Variants in FADS1 observed in about 807,000 individuals in gnomAD.
The protein encoded by FADS1 is fatty acid desaturase 1.
FADS1 carries 17 observed loss-of-function variants against 61.6 expected under a neutral mutation model. The observed-to-expected ratio is 0.28, with a 90% CI of 0.19 to 0.41. The LOEUF is 0.41. FADS1 is among the 10% of genes least tolerant of loss of function. The pLI is 1.00. For synonymous variants in FADS1, 238 were observed against 258.7 expected, an observed-to-expected ratio of 0.92 and a Z score of 0.77; for missense variants, 387 against 650.9, an observed-to-expected ratio of 0.59 and a Z score of 4.41.
rs2135942561 is a variant in FADS1 at position 61,815,461 on chromosome 11, G to T, written c.375+1094C>A. ...CTCTGCTGCGACGTTATGGGAACCT[G>T]GTGACCCGCGGCACACTCTGGGACG... On this transcript the variant is annotated intron_variant, in intron 1 of 11. Coordinates refer to ENST00000350997, the MANE Select transcript of FADS1 (RefSeq NM_013402.7). This position sits in a 1 kb window ranked among gnomAD's most constrained non-coding sequence, Gnocchi z 6.4. The T allele has an allele frequency of 6.6e-6, 1 of 152,466 alleles. No individual in the cohort carries two copies. The highest frequency in any genetic ancestry group is 2.4e-5 in the African/African-American group (1 of 41,590). The allele number at this position is 152,466 out of a possible 1,614,324, so 9.4% of individuals were successfully genotyped here. A position where few individuals can be genotyped will look rare whatever the true frequency, so the allele number is the denominator to read the frequency against.
chr11:61,808,110 C>A (rs918847442), intron 5 of FADS1, among the ~76,000 whole-genome samples: 16 of 152,068 alleles, frequency 1.1e-4, no homozygotes, highest in Non-Finnish European at 1.9e-4. Flanking sequence ...CTGAGGTAGG[C>A]GGACTGCATG....
In FADS1 at chr11:61,802,315, A is replaced by C; in HGVS notation, c.*96T>G. ...ATGTCCCCAAACCCAACCCCCTCTGAGTATTAAACTATAGTGGCATTGTCC... is the reference window on the plus strand; with the variant it reads ...ATGTCCCCAAACCCAACCCCCTCTGCGTATTAAACTATAGTGGCATTGTCC... On this transcript the variant is annotated 3_prime_UTR_variant, in exon 12 of 12. Transcript: ENST00000350997. The surrounding 1 kb of genome is among the most constrained non-coding windows in gnomAD (Gnocchi z 4.2). 3 of 1,088,204 alleles carry C rather than the reference A, an allele frequency of 2.8e-6. No homozygotes were observed. The South Asian group carries it at 4.0e-5, about 15-fold the overall frequency. The allele number at this position is 1,088,204 out of a possible 1,614,324, so 67.4% of individuals were successfully genotyped here.
chr11:61,816,288 G>A lies in FADS1; in HGVS notation c.375+267C>T. On this transcript the variant is annotated intron_variant, in intron 1 of 11. Transcript: ENST00000350997. This position sits in a 1 kb window ranked among gnomAD's most constrained non-coding sequence, Gnocchi z 7.0. ...TGAGGCTCGGGGCTGCAGATGGAAT[G>A]CACGGCAGGGAGGCGGGACCCTTTG... 2 of 1,598,380 alleles carry A rather than the reference G, an allele frequency of 1.3e-6. No homozygotes were observed. Among genetic ancestry groups the A allele is most frequent in the South Asian group, 1.1e-5 (1 of 91,074 alleles).
intron 5 of FADS1, among the ~76,000 whole-genome samples, chr11:61,808,165 G>A (rs2066906614): frequency 1.3e-5 from 2 of 152,060 alleles, no homozygotes; most frequent in South Asian, 2.1e-4. Flanking sequence ...GTGAAACCAC[G>A]TCCCTACTAA....
Position 61,816,012 on chromosome 11 carries a change from G to T in FADS1, c.375+543C>A. ...ACGACGCAGGGGTCCCCAAGGCAGC[G>T]GTCTCCCCAAGCTTCCCGTTTCAGC... is the stretch of plus-strand genomic sequence containing the variant. On this transcript the variant is annotated intron_variant, in intron 1 of 11. Transcript: ENST00000350997. The surrounding 1 kb of genome is among the most constrained non-coding windows in gnomAD (Gnocchi z 7.0). 1.9e-6 allele frequency: 1 copy of T among 523,204 alleles called. No homozygotes were observed. The highest frequency in any genetic ancestry group is 3.4e-5 in the Admixed American group (1 of 29,338). The allele number at this position is 523,204 out of a possible 1,614,324, so 32.4% of individuals were successfully genotyped here.
chr11:61,816,917 C>T lies in FADS1; in HGVS notation c.13G>A (p.Ala5Thr). The change falls in exon 1 of 12, where the codon GCT becomes ACT. Residue 5 changes from alanine (A) to threonine (T), a missense_variant. Coordinates refer to ENST00000350997, the MANE Select transcript of FADS1 (RefSeq NM_013402.7). The surrounding 1 kb of genome is among the most constrained non-coding windows in gnomAD (Gnocchi z 7.0). The stretch of plus-strand genomic sequence containing the variant: ...CAGGGCAGACCGGCGGGCCTCGCAG[C>T]GCGCGTTCCCATTGGCCGAGCCTCG... MGTR[A>T]ARPAGLPCGA... is the part of the protein sequence containing the mutation. The T allele has an allele frequency of 2.1e-6, 3 of 1,399,962 alleles. No homozygotes were observed. The highest frequency in any genetic ancestry group is 2.8e-6 in the Non-Finnish European group (3 of 1,087,734). 86.7% of individuals were successfully genotyped at this position (1,399,962 alleles called of 1,614,324 possible).
In FADS1 at chr11:61,803,954, C is replaced by G. The variant is rs2066876142; in HGVS notation, c.1054-187G>C. On this transcript the variant is annotated intron_variant, in intron 7 of 11. Coordinates refer to ENST00000350997, the MANE Select transcript of FADS1 (RefSeq NM_013402.7). The surrounding 1 kb of genome is among the most constrained non-coding windows in gnomAD (Gnocchi z 4.3). ...CTTTCTTCCATTCCCATTGGCACCC[C>G]CCAGCCCTTCTTGCATGTCCCCTTC... The G allele has an allele frequency of 1.7e-6, 1 of 603,472 alleles. No individual in the cohort carries two copies. Among genetic ancestry groups the G allele is most frequent in the African/African-American group, 1.9e-5 (1 of 53,894 alleles). 37.4% of individuals were successfully genotyped at this position (603,472 alleles called of 1,614,324 possible).
chr11:61,815,960 G>A lies in FADS1; in HGVS notation c.375+595C>T. ...CCGCTTGCCCTCCCCGGCCAGCGCT[G>A]TCCCTTCCGCGTCCTCCAGTCTTCA... On this transcript the variant is annotated intron_variant, in intron 1 of 11. Coordinates refer to ENST00000350997, the MANE Select transcript of FADS1 (RefSeq NM_013402.7). This position sits in a 1 kb window ranked among gnomAD's most constrained non-coding sequence, Gnocchi z 6.4. The A allele has an allele frequency of 2.4e-6, 1 of 414,302 alleles. No individual in the cohort carries two copies. The highest frequency in any genetic ancestry group is 4.4e-6 in the Non-Finnish European group (1 of 227,064). The allele number at this position is 414,302 out of a possible 1,614,324, so 25.7% of individuals were successfully genotyped here. A position where few individuals can be genotyped will look rare whatever the true frequency, so the allele number is the denominator to read the frequency against.
rs1364351892 is a variant in FADS1 at position 61,816,377 on chromosome 11, TC to T, written c.375+177del. The T allele has an allele frequency of 1.3e-6, 2 of 1,598,408 alleles. No individual in the cohort carries two copies. Among genetic ancestry groups the T allele is most frequent in the Non-Finnish European group, 1.7e-6 (2 of 1,179,800 alleles). ...CAGACTCCACTTCTCCAGGCCTCTC[TC>T]CCGCCTTTTCATCCCGCATCCGCAG... On this transcript the variant is annotated intron_variant, in intron 1 of 11. Coordinates refer to ENST00000350997, the MANE Select transcript of FADS1 (RefSeq NM_013402.7). The surrounding 1 kb of genome is among the most constrained non-coding windows in gnomAD (Gnocchi z 7.0).
In FADS1 at chr11:61,816,401, C is replaced by A. The variant is rs754343139; in HGVS notation, c.375+154G>T. ...CTCCCGCCTTTTCATCCCGCATCCG[C>A]AGGACACCCAATCACCGGGCAACAG... On this transcript the variant is annotated intron_variant, in intron 1 of 11. Transcript: ENST00000350997. This position sits in a 1 kb window ranked among gnomAD's most constrained non-coding sequence, Gnocchi z 7.0. 1.9e-6 allele frequency: 3 copies of A among 1,598,472 alleles called. No individual in the cohort carries two copies. The African/African-American group carries it at 4.0e-5, about 21-fold the overall frequency.
rs2066939717 is a variant in FADS1, at chr11:61,812,636, C to T, written c.519G>A (p.Arg173=). 1 of 1,614,096 alleles carries T rather than the reference C, an allele frequency of 6.2e-7. No individual in the cohort carries two copies. Among genetic ancestry groups the T allele is most frequent in the Non-Finnish European group, 8.5e-7 (1 of 1,180,028 alleles). The change falls in exon 3 of 12, where the codon CGG becomes CGA. Residue 173 remains arginine, a synonymous_variant. Coordinates refer to ENST00000350997, the MANE Select transcript of FADS1 (RefSeq NM_013402.7). The part of the protein sequence containing the change: ...KELTDEFREL[R]ATVERMGLMK... Reference sequence around the variant, plus strand: ...TGAGCCCCATCCGCTCCACTGTGGCCCGCAGCTCCCGGAACTCATCTGTCA... The same window carrying T: ...TGAGCCCCATCCGCTCCACTGTGGCTCGCAGCTCCCGGAACTCATCTGTCA...
chr11:61,803,687 G>T lies in FADS1; in HGVS notation c.1134C>A (p.Gly378=), dbSNP rs1324182943. ...AATACTACCTGACTATGAAGAAAAG[G>T]CCCAGGAAGGCTTTCAGCCCCAATA... The part of the protein sequence containing the change: ...VPLLGLKAFL[G]LFFIVRFLES... Residue 378 remains glycine, a synonymous_variant, in exon 8 of 12, where the codon GGC becomes GGA. Transcript: ENST00000350997. The surrounding 1 kb of genome is among the most constrained non-coding windows in gnomAD (Gnocchi z 4.3). The T allele has an allele frequency of 6.2e-7, 1 of 1,613,460 alleles. No homozygotes were observed. Among genetic ancestry groups the T allele is most frequent in the Admixed American group, 1.7e-5 (1 of 60,016 alleles).
In FADS1 at chr11:61,799,779, T is replaced by C. The variant is rs1935275819; in HGVS notation, c.*2632A>G. The C allele has an allele frequency of 6.6e-6, 1 of 152,632 alleles. No homozygotes were observed. The allele number at this position is 152,632 out of a possible 1,614,324, so 9.5% of individuals were successfully genotyped here. ...AAGTAACAAAGATAAACATAGAAGT[T>C]GGAGTTGTAAAAAAGTGAGTTGGAA... On this transcript the variant is annotated 3_prime_UTR_variant, in exon 12 of 12. Coordinates refer to ENST00000350997, the MANE Select transcript of FADS1 (RefSeq NM_013402.7).
At chr11:61,813,491 C>A in intron 1 of FADS1, 138 bp from the exon 2 acceptor site, 1 of 632,996 alleles carries the variant, frequency 1.6e-6, no homozygotes, top group Non-Finnish European at 2.8e-6. Context: ...GATGGACTTC[C>A]TGGGTCGAGT....
chr11:61,809,685 C>T (rs2066918623), intron 5 of FADS1, among the ~76,000 whole-genome samples: 1 of 152,208 alleles, frequency 6.6e-6, no homozygotes, highest in Non-Finnish European at 1.5e-5. Context: ...AGCAAATAAC[C>T]ACACTGCCCT....
chr11:61,812,808 A>C, intron 2 of FADS1, 140 bp from the exon 3 acceptor site: 2 of 705,700 alleles, frequency 2.8e-6, no homozygotes, highest in Non-Finnish European at 2.4e-6. Flanking sequence ...TACCACGACA[A>C]TGAGGATGAC....
chr11:61,813,460 T>C (rs1434214934), intron 1 of FADS1, 107 bp from the exon 2 acceptor site: 2 of 697,854 alleles, frequency 2.9e-6, no homozygotes, highest in Non-Finnish European at 5.1e-6. Flanking sequence ...TGTACCCAAG[T>C]TGAAGTGAGA....
At chr11:61,809,508 A>G (rs1043330375) in intron 5 of FADS1, among the ~76,000 whole-genome samples, 1 of 152,124 alleles carries the variant, frequency 6.6e-6, no homozygotes, top group Non-Finnish European at 1.5e-5. Flanking sequence ...GCGTCCCTTC[A>G]TTCTCTGTTT....
chr11:61,806,601 C>T (rs1192069422), intron 6 of FADS1, 63 bp downstream of exon 6: 1 of 1,430,308 alleles, frequency 7.0e-7, no homozygotes, highest in East Asian at 2.3e-5. Context: ...ACAGCCACAT[C>T]CTCCTCATTC....
Sources: allele counts gnomAD v4.1 joint callset (sites outside exome capture counted in the v4.1 genomes callset), GRCh38; gene constraint gnomAD v4.1.1; non-coding constraint Gnocchi (gnomAD v3.1); transcripts MANE v1.5; gene names NCBI Gene and HGNC (gene_info 2026-07-23, HGNC 2026-07-21).